Variants in RNF32 observed in about 807,000 individuals in gnomAD.
The protein encoded by RNF32 is ring finger protein 32.
Under a neutral mutation model 41.0 loss-of-function variants are expected in RNF32, and 36 were observed. That is an observed-to-expected ratio of 0.88 (90% CI 0.67 to 1.16). The LOEUF is 1.16. Ranked by LOEUF, RNF32 falls within the 50% of genes most tolerant of loss-of-function variation. The pLI is 0.00. For missense variants in RNF32, 413 were observed against 436.7 expected (o/e 0.95, Z 0.48); for synonymous variants, 154 against 160.9 (o/e 0.96, Z 0.32).
intron 8 of RNF32, chr7:156,676,149 G>T: frequency 9.4e-7 from 1 of 1,063,500 alleles, no homozygotes; most frequent in East Asian, 2.6e-5. Flanking sequence ...GGTCCCTTCA[G>T]TTTGAAATTC....
chr7:156,655,293 T>G (rs10262406), intron 4 of RNF32, among the ~76,000 whole-genome samples: 50,133 of 147,830 alleles, frequency 0.34, 8,868 homozygotes, highest in African/African-American at 0.45. Flanking sequence ...TATATATATA[T>G]AGAGAGAGAG....
chr7:156,675,673 A>ACCC, intron 7 of RNF32, 23 bp from the exon 8 acceptor site: 1 of 1,395,368 alleles, frequency 7.2e-7, no homozygotes, highest in Non-Finnish European at 1.0e-6. Context: ...GTGTGAGCTT[A>ACCC]CCCGCCCCCG....
chr7:156,654,999 T>TG, intron 4 of RNF32: 1 of 236,010 alleles, frequency 4.2e-6, no homozygotes. Flanking sequence ...TGCAGACAAC[T>TG]GGGGGGCTTC....
rs1052899511 is a variant in RNF32, at chr7:156,670,949, G to A, written c.685-4747G>A. Among the ~76,000 whole-genome samples the A allele has an allele frequency of 9.9e-5, 15 of 152,210 alleles. No individual in the cohort carries two copies. Among genetic ancestry groups the A allele is most frequent in the African/African-American group, 3.6e-4 (15 of 41,460 alleles). ...GATTCCACCGAACAAGAAAACTCATGTCTCAGGTTAAAAGAGAGAGAGAGC... is the reference window on the plus strand; with the variant it reads ...GATTCCACCGAACAAGAAAACTCATATCTCAGGTTAAAAGAGAGAGAGAGC... On this transcript the variant is annotated intron_variant, in intron 7 of 8. Coordinates refer to ENST00000317955, the MANE Select transcript of RNF32 (RefSeq NM_030936.4). The surrounding 1 kb of genome is among the most constrained non-coding windows in gnomAD (Gnocchi z 4.3).
chr7:156,661,576 C>T (rs1800682179), intron 7 of RNF32, among the ~76,000 whole-genome samples: 1 of 152,216 alleles, frequency 6.6e-6, no homozygotes, highest in African/African-American at 2.4e-5. Flanking sequence ...CTGCCTTGGC[C>T]TCCCAAAGTG....
chr7:156,640,911 G>C (rs1245058246), intron 1 of RNF32, 100 bp downstream of exon 1: 1 of 179,790 alleles, frequency 5.6e-6, no homozygotes, highest in African/African-American at 2.4e-5. Flanking sequence ...CCTCGCTTTC[G>C]CCTCCTCCGA....
At chr7:156,655,714 TAA>T (rs1799558810) in intron 4 of RNF32, among the ~76,000 whole-genome samples, 1 of 152,252 alleles carries the variant, frequency 6.6e-6, no homozygotes, top group Admixed American at 6.5e-5. Flanking sequence ...TATCAGGACC[TAA>T]TCTTACATAT....
intron 7 of RNF32, among the ~76,000 whole-genome samples, chr7:156,675,270 C>T (rs1048275003): frequency 6.6e-6 from 1 of 152,238 alleles, no homozygotes; most frequent in African/African-American, 2.4e-5. Flanking sequence ...GTGGGAACCA[C>T]GGCAAGGCCT....
chr7:156,654,678 C>T lies in RNF32; in HGVS notation c.377C>T (p.Pro126Leu). 1 of 1,614,096 alleles carries T rather than the reference C, an allele frequency of 6.2e-7. No homozygotes were observed. Among genetic ancestry groups the T allele is most frequent in the Non-Finnish European group, 8.5e-7 (1 of 1,179,964 alleles). The change falls in exon 4 of 9, where the codon CCA becomes CTA. Residue 126 changes from proline to leucine, a missense_variant. Transcript: ENST00000317955. The part of the protein sequence containing the change: ...RSLLQGDSVQ[P>L]CPICKEEFEL... ...CTCCTGCAAGGGGACTCCGTGCAAC[C>T]ATGCCCCATCTGTAAAGAAGAATTC... is the stretch of plus-strand genomic sequence containing the variant.
At position 156,676,756 on chromosome 7, in the gene RNF32, T is replaced by C. The variant is rs917848713; in HGVS notation, c.*101T>C. ...GGGTTAAGTACTACAATGTAATCTG[T>C]TTCCCAGGGAAATAAGCTATTGGTA... is the stretch of plus-strand genomic sequence containing the variant. On this transcript the variant is annotated 3_prime_UTR_variant, in exon 9 of 9. Coordinates refer to ENST00000317955, the MANE Select transcript of RNF32 (RefSeq NM_030936.4). 2 of 827,956 alleles carry C rather than the reference T, an allele frequency of 2.4e-6. No homozygotes were observed. The highest frequency in any genetic ancestry group is 3.4e-5 in the African/African-American group (2 of 59,394). The allele number at this position is 827,956 out of a possible 1,614,324, so 51.3% of individuals were successfully genotyped here. A position where few individuals can be genotyped will look rare whatever the true frequency, so the allele number is the denominator to read the frequency against.
chr7:156,669,021 A>G lies in RNF32; in HGVS notation c.685-6675A>G, dbSNP rs140924489. ...TGAATTGTTAATAAGTGTAAAAATG[A>G]TATTTGGTTACATAGGGTAAGTGGA... On this transcript the variant is annotated intron_variant, in intron 7 of 8. Transcript: ENST00000317955. The surrounding 1 kb of genome is among the most constrained non-coding windows in gnomAD (Gnocchi z 4.2). The G allele has an allele frequency of 8.5e-5, 13 of 152,356 alleles. No individual in the cohort carries two copies. The highest frequency in any genetic ancestry group is 5.8e-4 in the East Asian group (3 of 5,186). The allele number at this position is 152,356 out of a possible 1,614,324, so 9.4% of individuals were successfully genotyped here. A position where few individuals can be genotyped will look rare whatever the true frequency, so the allele number is the denominator to read the frequency against.
In RNF32 at chr7:156,658,262, C is replaced by G; in HGVS notation, c.575+10C>G. 2 of 1,612,578 alleles carry G rather than the reference C, an allele frequency of 1.2e-6. No homozygotes were observed. The highest frequency in any genetic ancestry group is 1.7e-6 in the Non-Finnish European group (2 of 1,179,644). On this transcript the variant is annotated intron_variant, in intron 6 of 8. Coordinates refer to ENST00000317955, the MANE Select transcript of RNF32 (RefSeq NM_030936.4). ...TCAAGTGTGTGACCAGGTGAGGACG[C>G]CAGGCCCGTTTGGCGCTAAGCAGAC...
chr7:156,653,859 G>A (rs1799161670), intron 3 of RNF32, among the ~76,000 whole-genome samples: 1 of 152,228 alleles, frequency 6.6e-6, no homozygotes, highest in Non-Finnish European at 1.5e-5. Context: ...GAGGCCACTG[G>A]TGGCAGAGCA....
At chr7:156,641,325 C>T (rs747567716) in intron 1 of RNF32, among the ~76,000 whole-genome samples, 29 of 152,288 alleles carry the variant, frequency 1.9e-4, no homozygotes, top group South Asian at 2.1e-4. Flanking sequence ...GCTGAGGTTA[C>T]TCGCTTTGGC....
intron 7 of RNF32, chr7:156,659,970 T>G (rs1563084491): frequency 2.0e-6 from 2 of 985,260 alleles, no homozygotes; most frequent in East Asian, 2.3e-4. Context: ...CACAGAGAGA[T>G]GGAACTTTAC....
At chr7:156,663,664 G>T (rs1204510969) in intron 7 of RNF32, among the ~76,000 whole-genome samples, 1 of 152,138 alleles carries the variant, frequency 6.6e-6, no homozygotes. Context: ...TGATGAGATA[G>T]AACAGCCTTG....
chr7:156,645,508 T>C (rs1177903998), intron 3 of RNF32, among the ~76,000 whole-genome samples: 5 of 152,208 alleles, frequency 3.3e-5, no homozygotes, highest in Non-Finnish European at 5.9e-5. Context: ...AATGAAGACC[T>C]AGCAACTGTT....
At chr7:156,658,349 G>T in intron 6 of RNF32, 97 bp downstream of exon 6, 1 of 1,567,050 alleles carries the variant, frequency 6.4e-7, no homozygotes, top group Non-Finnish European at 8.7e-7. Context: ...TCTCTTCTTG[G>T]CCACCATAAT....
At chr7:156,648,118 A>G (rs928032091) in intron 3 of RNF32, among the ~76,000 whole-genome samples, 8 of 152,002 alleles carry the variant, frequency 5.3e-5, no homozygotes, top group African/African-American at 1.2e-4. Context: ...TGTTTTTACA[A>G]CCTTTTGTAA....
Sources: gnomAD v4.1 joint callset for allele counts (sites outside exome capture counted in the v4.1 genomes callset) on GRCh38, gnomAD v4.1.1 for gene constraint, Gnocchi (gnomAD v3.1) non-coding constraint, MANE v1.5 for transcripts, NCBI Gene and HGNC (gene_info 2026-07-23, HGNC 2026-07-21) for gene names.